Variants in GPAT3 observed in about 807,000 individuals in gnomAD.
GPAT3 encodes the protein glycerol-3-phosphate acyltransferase 3, also known as 1-AGP acyltransferase 9.
Under a neutral mutation model 58.8 loss-of-function variants are expected in GPAT3, and 53 were observed. That is an observed-to-expected ratio of 0.90 (90% CI 0.72 to 1.13). The LOEUF is 1.13. Among genes scored for constraint, GPAT3 ranks in the 50% most tolerant of loss-of-function variants. The pLI is 0.00. For synonymous variants in GPAT3, 197 were observed against 187.4 expected, an observed-to-expected ratio of 1.05 and a Z score of -0.42; for missense variants, 511 against 527.6, an observed-to-expected ratio of 0.97 and a Z score of 0.31.
At chr4:83,538,713 C>G (rs6857743) in intron 1 of GPAT3, among the ~76,000 whole-genome samples, 52,183 of 152,054 alleles carry the variant, frequency 0.34, 9,859 homozygotes, top group Middle Eastern at 0.5. Context: ...AGTCCAGGAT[C>G]TGACTTTCAG....
At chr4:83,601,916 G>C (rs553207854) in intron 11 of GPAT3, among the ~76,000 whole-genome samples, 11 of 152,190 alleles carry the variant, frequency 7.2e-5, no homozygotes, top group Non-Finnish European at 1.2e-4. Flanking sequence ...AAGAGTTCTT[G>C]ACTAACAAGG....
At chr4:83,590,886 T>C (rs1320726866) in intron 6 of GPAT3, among the ~76,000 whole-genome samples, 2 of 70,134 alleles carry the variant, frequency 2.9e-5, no homozygotes, top group Non-Finnish European at 6.1e-5. Flanking sequence ...AATCATATTC[T>C]TTTTTTTTTT....
At chr4:83,572,388 AT>A (rs1462793126) in intron 2 of GPAT3, among the ~76,000 whole-genome samples, 1 of 152,200 alleles carries the variant, frequency 6.6e-6, no homozygotes. Context: ...CATAGTATTA[AT>A]TTTTTAAAAG....
intron 2 of GPAT3, among the ~76,000 whole-genome samples, chr4:83,576,412 T>TTTTATTTATTTA (rs35514780): frequency 1.4e-3 from 193 of 142,682 alleles, no homozygotes; most frequent in African/African-American, 2.6e-3. Flanking sequence ...GAAAATATCA[T>TTTTATTTATTTA]TTTATTTATT....
intron 6 of GPAT3, 38 bp from the exon 7 acceptor site, chr4:83,594,807 G>A (rs372457287): frequency 3.7e-5 from 58 of 1,562,660 alleles, no homozygotes; most frequent in Non-Finnish European, 4.8e-5. Flanking sequence ...GCACAACGGT[G>A]CCTTTTACGT....
At chr4:83,584,999 G>C (rs1005958949) in intron 3 of GPAT3, among the ~76,000 whole-genome samples, 4 of 152,148 alleles carry the variant, frequency 2.6e-5, no homozygotes, top group African/African-American at 9.7e-5. Flanking sequence ...GAACCCAATT[G>C]TTAAACATGT....
At chr4:83,536,055 G>A (rs1421028430), upstream of GPAT3, 16 of 985,356 alleles carry the variant, frequency 1.6e-5, no homozygotes, top group African/African-American at 3.5e-5. Context: ...TGACGGAGGA[G>A]GTGGGGCGAG....
At chr4:83,571,901 T>A (rs181271145) in intron 2 of GPAT3, among the ~76,000 whole-genome samples, 1 of 152,120 alleles carries the variant, frequency 6.6e-6, no homozygotes, top group East Asian at 1.9e-4. Flanking sequence ...GCCTCCCAAG[T>A]AGCTGTGAGT....
intron 2 of GPAT3, among the ~76,000 whole-genome samples, chr4:83,562,485 A>G (rs1725212382): frequency 6.6e-6 from 1 of 151,632 alleles, no homozygotes; most frequent in African/African-American, 2.4e-5. Flanking sequence ...CGTAGTAGAC[A>G]GGAGGCCATT....
At chr4:83,578,962 T>TTCTTTCTTTCTTTC (rs1560620642) in intron 2 of GPAT3, among the ~76,000 whole-genome samples, 1 of 124,980 alleles carries the variant, frequency 8.0e-6, no homozygotes, top group Non-Finnish European at 1.7e-5. Flanking sequence ...CTTTCTTTCT[T>TTCTTTCTTTCTTTC]TCTTTCTTTC....
At chr4:83,580,239 C>A (rs1257208281) in intron 2 of GPAT3, among the ~76,000 whole-genome samples, 1 of 152,116 alleles carries the variant, frequency 6.6e-6, no homozygotes, top group East Asian at 1.9e-4. Context: ...AATACAGTAA[C>A]AGCACAGAGA....
At chr4:83,551,307 G>A (rs1724739840) in intron 2 of GPAT3, among the ~76,000 whole-genome samples, 1 of 152,006 alleles carries the variant, frequency 6.6e-6, no homozygotes, top group South Asian at 2.1e-4. Context: ...AAAATATATA[G>A]TATAATAACA....
At chr4:83,556,225 G>T (rs1467743783) in intron 2 of GPAT3, among the ~76,000 whole-genome samples, 2 of 152,176 alleles carry the variant, frequency 1.3e-5, no homozygotes, top group Non-Finnish European at 2.9e-5. Flanking sequence ...CAGAGTTAAT[G>T]TGGGCTGCCA....
At chr4:83,568,699 G>A (rs565115487) in intron 2 of GPAT3, among the ~76,000 whole-genome samples, 5 of 151,804 alleles carry the variant, frequency 3.3e-5, no homozygotes, top group African/African-American at 1.2e-4. Flanking sequence ...ACTAGAGACG[G>A]GGTTTCACCA....
At chr4:83,596,948 T>A (rs908838365) in intron 8 of GPAT3, 35 bp downstream of exon 8, 16 of 1,571,216 alleles carry the variant, frequency 1.0e-5, no homozygotes, top group Non-Finnish European at 1.4e-5. Flanking sequence ...CTATAGTTGA[T>A]AACAACAAAC....
intron 7 of GPAT3, 35 bp from the exon 8 acceptor site, chr4:83,596,823 T>G (rs747813157): frequency 1.3e-6 from 2 of 1,562,056 alleles, no homozygotes; most frequent in South Asian, 1.1e-5. Context: ...TCTCTCTTTA[T>G]AAAGGCAGAA....
intron 2 of GPAT3, among the ~76,000 whole-genome samples, chr4:83,559,712 A>C (rs1217624399): frequency 6.6e-6 from 1 of 152,224 alleles, no homozygotes; most frequent in Admixed American, 6.5e-5. Flanking sequence ...TCTTTCTCTA[A>C]AATGTTTTGG....
chr4:83,579,089 T>TTCTTC, intron 2 of GPAT3, among the ~76,000 whole-genome samples: 3 of 91,712 alleles, frequency 3.3e-5, no homozygotes, highest in Non-Finnish European at 7.2e-5. Flanking sequence ...TTCCCTTCCT[T>TTCTTC]CCTTCCTTCC....
Position 83,538,562 on chromosome 4 carries a change from G to A in GPAT3, c.141+1799G>A, listed in dbSNP as rs113192035. Among the ~76,000 whole-genome samples the A allele has an allele frequency of 8.1e-3, 1,229 of 152,270 alleles. 15 individuals are homozygous for A. Among genetic ancestry groups the A allele is most frequent in the African/African-American group, 0.025 (1,040 of 41,562 alleles). On this transcript the variant is annotated intron_variant, in intron 1 of 11. Coordinates refer to ENST00000264409, the MANE Select transcript of GPAT3 (RefSeq NM_032717.5). Reference sequence around the variant, plus strand: ...GGAATTTATACCCTGTGTAAGAATGGTGTAAAGGTAAATCACACCCACTGG... The same window carrying A: ...GGAATTTATACCCTGTGTAAGAATGATGTAAAGGTAAATCACACCCACTGG...
Sources: gnomAD v4.1 joint callset for allele counts (sites outside exome capture counted in the v4.1 genomes callset) on GRCh38, gnomAD v4.1.1 for gene constraint, MANE v1.5 for transcripts, NCBI Gene and HGNC (gene_info 2026-07-23, HGNC 2026-07-21) for gene names.